Variants in RTN4RL1 observed in about 807,000 individuals in gnomAD.
RTN4RL1 encodes reticulon-4 receptor-like 1.
A neutral mutation model predicts 25.6 loss-of-function variants in RTN4RL1; 7 were observed. The ratio of observed to expected loss-of-function variants is 0.27; its 90% CI spans 0.16 to 0.51. The LOEUF is 0.51. RTN4RL1 is among the 20% of genes least tolerant of loss of function. RTN4RL1 has a pLI of 0.97. For synonymous variants in RTN4RL1, 297 were observed against 288.2 expected (o/e 1.03, Z -0.31); for missense variants, 500 against 615.6 (o/e 0.81, Z 1.99).
At chr17:1,973,365 TA>T (rs35165215) in intron 1 of RTN4RL1, among the ~76,000 whole-genome samples, 7,634 of 124,750 alleles carry the variant, frequency 0.061, 227 homozygotes, top group Middle Eastern at 0.088. Flanking sequence ...GACACTGTCT[TA>T]AAAAAAAAAA....
At chr17:1,986,493 C>T (rs1322121115) in intron 1 of RTN4RL1, among the ~76,000 whole-genome samples, 1 of 151,962 alleles carries the variant, frequency 6.6e-6, no homozygotes, top group Non-Finnish European at 1.5e-5. Flanking sequence ...TGGATTACCC[C>T]AAAGGGCCAT....
intron 1 of RTN4RL1, among the ~76,000 whole-genome samples, chr17:1,949,286 G>A (rs1237280725): frequency 1.3e-5 from 2 of 151,584 alleles, no homozygotes; most frequent in Non-Finnish European, 2.9e-5. Flanking sequence ...TAGTAGAGAC[G>A]GGGTTTCACC....
rs1161999006 is a variant in RTN4RL1 at position 1,935,559 on chromosome 17, T to C, written c.*937A>G. ...GTCCCTTGGAGACTATCGTTGCCAG[T>C]TTGGGATTCTAGACAAAAATTCTAT... On this transcript the variant is annotated 3_prime_UTR_variant, in exon 2 of 2. Coordinates refer to ENST00000331238, the MANE Select transcript of RTN4RL1 (RefSeq NM_178568.4). 5.1e-6 allele frequency: 5 copies of C among 985,484 alleles called. No individual in the cohort carries two copies. Among genetic ancestry groups the C allele is most frequent in the Non-Finnish European group, 6.0e-6 (5 of 829,878 alleles). 61.0% of individuals were successfully genotyped at this position (985,484 alleles called of 1,614,324 possible).
chr17:1,961,983 G>GAAAGA (rs1567510466), intron 1 of RTN4RL1, among the ~76,000 whole-genome samples: 1 of 142,960 alleles, frequency 7.0e-6, no homozygotes. Context: ...AGAAAAGAAA[G>GAAAGA]AAAGAAAAGA....
intron 1 of RTN4RL1, among the ~76,000 whole-genome samples, chr17:1,966,621 T>C (rs772254791): frequency 2.6e-5 from 4 of 152,080 alleles, no homozygotes; most frequent in Non-Finnish European, 1.5e-5. Flanking sequence ...TGGGGTTCCC[T>C]GTCTGTGTGG....
intron 1 of RTN4RL1, chr17:2,018,027 C>T (rs2067149213): frequency 6.6e-6 from 1 of 152,380 alleles, no homozygotes; most frequent in Admixed American, 6.5e-5. Flanking sequence ...AGGAGAAGCC[C>T]TTTCTGGAGG....
intron 1 of RTN4RL1, among the ~76,000 whole-genome samples, chr17:1,957,762 T>C (rs974018621): frequency 2.0e-5 from 3 of 152,174 alleles, no homozygotes; most frequent in Non-Finnish European, 4.4e-5. Flanking sequence ...GAGAATCGCT[T>C]GAACCCAGGA....
At chr17:1,986,002 C>T (rs563149156) in intron 1 of RTN4RL1, among the ~76,000 whole-genome samples, 1 of 152,146 alleles carries the variant, frequency 6.6e-6, no homozygotes, top group African/African-American at 2.4e-5. Context: ...AGCTAAGCAA[C>T]AAGCAGGAAG....
chr17:1,942,945 G>T (rs1343080378), intron 1 of RTN4RL1, among the ~76,000 whole-genome samples: 1 of 152,202 alleles, frequency 6.6e-6, no homozygotes, highest in Admixed American at 6.5e-5. Flanking sequence ...AGCCTCCAAG[G>T]AGGCTGTAAC....
intron 1 of RTN4RL1, among the ~76,000 whole-genome samples, chr17:2,012,020 A>C (rs2067056220): frequency 6.6e-6 from 1 of 152,166 alleles, no homozygotes; most frequent in Non-Finnish European, 1.5e-5. Context: ...TCAATTTCAC[A>C]GATGGGAGCC....
rs923050798 is a variant in RTN4RL1, at chr17:2,020,813, A to T, written c.13+4040T>A. 1.1e-4 allele frequency: 16 copies of T among 152,260 alleles called. 1 individual carries two copies. In the South Asian group the frequency reaches 2.5e-3, roughly 24 times the overall value. The allele number at this position is 152,260 out of a possible 1,614,324, so 9.4% of individuals were successfully genotyped here. On this transcript the variant is annotated intron_variant, in intron 1 of 1. Coordinates refer to ENST00000331238, the MANE Select transcript of RTN4RL1 (RefSeq NM_178568.4). Reference sequence around the variant, plus strand: ...AAACTTTAAGGAAAGGTTCTGTATTAGCCCAGAGGCTCTGGATTTGCATTC... The same window carrying T: ...AAACTTTAAGGAAAGGTTCTGTATTTGCCCAGAGGCTCTGGATTTGCATTC...
chr17:2,024,802 C>T (rs1212717845), intron 1 of RTN4RL1, 51 bp downstream of exon 1: 1 of 1,540,790 alleles, frequency 6.5e-7, no homozygotes, highest in East Asian at 2.5e-5. Flanking sequence ...GGGCTCGCGG[C>T]TCTTTCCGGA....
chr17:2,007,647 C>T (rs1188797752), intron 1 of RTN4RL1, among the ~76,000 whole-genome samples: 2 of 152,114 alleles, frequency 1.3e-5, no homozygotes, highest in African/African-American at 2.4e-5. Flanking sequence ...ATTTTGCAGC[C>T]GTTAAAACTG....
intron 1 of RTN4RL1, among the ~76,000 whole-genome samples, chr17:2,010,970 G>A (rs569601110): frequency 6.6e-6 from 1 of 152,130 alleles, no homozygotes; most frequent in African/African-American, 2.4e-5. Context: ...AACGTTTGTC[G>A]GCCGGGCGCG....
chr17:2,024,018 G>A (rs1430331115), intron 1 of RTN4RL1, among the ~76,000 whole-genome samples: 1 of 152,140 alleles, frequency 6.6e-6, no homozygotes, highest in Non-Finnish European at 1.5e-5. Context: ...CGGGGCCCGT[G>A]GGCTCCCGGC....
intron 1 of RTN4RL1, chr17:2,023,692 T>A (rs932786414): frequency 2.4e-4 from 5 of 20,912 alleles, no homozygotes; most frequent in African/African-American, 8.9e-4. Flanking sequence ...CTCCCCCCCC[T>A]CCACCCCCTC....
At chr17:1,956,507 G>C (rs1225219454) in intron 1 of RTN4RL1, among the ~76,000 whole-genome samples, 1 of 152,176 alleles carries the variant, frequency 6.6e-6, no homozygotes, top group Non-Finnish European at 1.5e-5. Context: ...GCAATGCACA[G>C]TTACTTAACA....
chr17:2,005,647 G>A (rs2066987822), intron 1 of RTN4RL1, among the ~76,000 whole-genome samples: 1 of 152,076 alleles, frequency 6.6e-6, no homozygotes, highest in African/African-American at 2.4e-5. Flanking sequence ...TGGGAGGATC[G>A]CCTGAGCCCG....
At chr17:1,958,153 G>T (rs1178012562) in intron 1 of RTN4RL1, among the ~76,000 whole-genome samples, 2 of 152,206 alleles carry the variant, frequency 1.3e-5, no homozygotes, top group East Asian at 3.8e-4. Flanking sequence ...TTGCACCACT[G>T]CACTCCAGCC....
Sources: gnomAD v4.1 joint callset for allele counts (sites outside exome capture counted in the v4.1 genomes callset) on GRCh38, gnomAD v4.1.1 for gene constraint, MANE v1.5 for transcripts, NCBI Gene and HGNC (gene_info 2026-07-23, HGNC 2026-07-21) for gene names.